The following PLP1 variants were observed in gnomAD, a reference collection of about 807,000 sequenced individuals.
The protein encoded by PLP1 is myelin proteolipid protein.
In PLP1, 2 loss-of-function variants were observed where a neutral mutation model predicts 18.5. The ratio of observed to expected loss-of-function variants is 0.11; its 90% confidence interval spans 0.04 to 0.34. The LOEUF is 0.34. PLP1 is among the 10% of genes least tolerant of loss of function. The pLI is 1.00. For missense variants in PLP1, 105 were observed against 207.3 expected, an observed-to-expected ratio of 0.51 and a Z score of 3.03; for synonymous variants, 86 against 83.2, an observed-to-expected ratio of 1.03 and a Z score of -0.19.
intron 1 of PLP1, chrX:103,779,961 A>T (rs2074439064): frequency 8.9e-6 from 1 of 112,818 alleles, no homozygotes; most frequent in Non-Finnish European, 1.9e-5. Context: ...GAGGACAGTG[A>T]CATGATCAGG....
intron 6 of PLP1, among the ~76,000 whole-genome samples, chrX:103,790,181 C>T (rs1236372021): frequency 8.9e-6 from 1 of 112,269 alleles, no homozygotes; most frequent in Non-Finnish European, 1.9e-5. Context: ...AGCAAGCACC[C>T]TATGACTCTA....
chrX:103,786,824 G>C, intron 3 of PLP1, 98 bp downstream of exon 3: 1 of 913,648 alleles, frequency 1.1e-6, no homozygotes, highest in Non-Finnish European at 1.6e-6. Context: ...GTCCTCTCTA[G>C]GGGCCTGGCA....
chrX:103,790,332 C>T (rs1459079360), intron 6 of PLP1, among the ~76,000 whole-genome samples, 195 bp from the exon 7 acceptor site: 1 of 112,916 alleles, frequency 8.9e-6, no homozygotes, highest in Non-Finnish European at 1.9e-5. Flanking sequence ...CCCATGATGC[C>T]TCAGAGACAT....
At chrX:103,790,485 C>G (rs1312687766) in intron 6 of PLP1, 42 bp from the exon 7 acceptor site, 1 of 1,002,451 alleles carries the variant, frequency 1.0e-6, no homozygotes. Flanking sequence ...GGAGTGCTTT[C>G]TTTTCTACTC....
chrX:103,787,735 G>A, intron 3 of PLP1, 63 bp from the exon 4 acceptor site: 2 of 985,917 alleles, frequency 2.0e-6, no homozygotes, highest in Non-Finnish European at 2.9e-6. Flanking sequence ...GGATCTCCCA[G>A]TTTGTGTTTC....
In PLP1 at chrX:103,790,643, A is replaced by G. The variant is rs1489712699; in HGVS notation, c.*45A>G. 1.1e-6 allele frequency: 1 copy of G among 941,583 alleles called. No homozygotes were observed. The highest frequency in any genetic ancestry group is 3.1e-5 in the East Asian group (1 of 32,633). The allele number at this position is 941,583 out of a possible 1,213,427, so 77.6% of individuals were successfully genotyped here. On this transcript the variant is annotated 3_prime_UTR_variant, in exon 7 of 7. Coordinates refer to ENST00000621218, the MANE Select transcript of PLP1 (RefSeq NM_000533.5). ...TTTCTCTAATAGCGAGGCTCTAACC[A>G]CACAGCCTACAATGCTGCGTCTCCC...
intron 1 of PLP1, among the ~76,000 whole-genome samples, chrX:103,784,981 T>A (rs906095956): frequency 8.9e-6 from 1 of 112,560 alleles, no homozygotes; most frequent in Non-Finnish European, 1.9e-5. Flanking sequence ...GATTTCATAA[T>A]CTCTCTGGCT....
At position 103,786,670 on chromosome X, in the gene PLP1, C is replaced by T; in HGVS notation, c.397C>T (p.His133Tyr). Residue 133 changes from histidine to tyrosine, a missense_variant, in exon 3 of 7, where the codon CAT (histidine) becomes TAT (tyrosine). Physicochemically the swap from His to Tyr is moderately conservative, Grantham distance 83. Coordinates refer to ENST00000621218, the MANE Select transcript of PLP1 (RefSeq NM_000533.5). ...GRGSRGQHQA[H>Y]SLERVCHCLG... ...GGGTTCCAGAGGCCAACATCAAGCTCATTCTTTGGAGCGGGTGTGTCATTG... is the reference window on the plus strand; with the variant it reads ...GGGTTCCAGAGGCCAACATCAAGCTTATTCTTTGGAGCGGGTGTGTCATTG... 2 of 1,211,135 alleles carry T rather than the reference C, an allele frequency of 1.7e-6. No homozygotes were observed. Among genetic ancestry groups the T allele is most frequent in the Non-Finnish European group, 2.2e-6 (2 of 895,038 alleles).
intron 2 of PLP1, 97 bp downstream of exon 2, chrX:103,785,865 C>A: frequency 2.4e-6 from 2 of 842,567 alleles, no homozygotes; most frequent in Non-Finnish European, 3.6e-6. Flanking sequence ...TAGCAGGGGA[C>A]TGGGGTGGAG....
intron 3 of PLP1, 164 bp from the exon 4 acceptor site, chrX:103,787,634 C>G (rs2074508332): frequency 2.0e-6 from 1 of 511,116 alleles, no homozygotes; most frequent in Non-Finnish European, 3.5e-6. Context: ...TAGATACTGC[C>G]AATTACCCTT....
intron 1 of PLP1, among the ~76,000 whole-genome samples, chrX:103,785,227 C>T (rs185713046): frequency 4.0e-4 from 44 of 110,973 alleles, no homozygotes; most frequent in Middle Eastern, 4.7e-3. Context: ...TACAGGCATA[C>T]GCCCATGCCC....
At chrX:103,789,630 T>C (rs2147768322) in intron 6 of PLP1, among the ~76,000 whole-genome samples, 1 of 112,002 alleles carries the variant, frequency 8.9e-6, no homozygotes, top group South Asian at 3.7e-4. Flanking sequence ...AGGTAAGAGA[T>C]TCATAGACAC....
intron 5 of PLP1, 103 bp from the exon 6 acceptor site, chrX:103,789,230 C>A (rs2074524090): frequency 1.1e-5 from 7 of 664,026 alleles, no homozygotes; most frequent in Non-Finnish European, 1.3e-5. Context: ...AATTAGCACA[C>A]AAGAAAGATA....
rs2074549833 is a variant in PLP1 at position 103,792,133 on chromosome X, G to A, written c.*1535G>A. 1 of 110,108 alleles carries A rather than the reference G, an allele frequency of 9.1e-6. No homozygotes were observed. The highest frequency in any genetic ancestry group is 1.9e-5 in the Non-Finnish European group (1 of 52,690). The allele number at this position is 110,108 out of a possible 1,213,427, so 9.1% of individuals were successfully genotyped here. ...TAACTTTGGGTTAAAAAAAAAAAAA[G>A]TCTGATTGGTTTTAATTGAAGGAAA... On this transcript the variant is annotated 3_prime_UTR_variant, in exon 7 of 7. Coordinates refer to ENST00000621218, the MANE Select transcript of PLP1 (RefSeq NM_000533.5).
At chrX:103,785,956 G>A in intron 2 of PLP1, 188 bp downstream of exon 2, 1 of 699,600 alleles carries the variant, frequency 1.4e-6, no homozygotes. Context: ...GGAGGGGTCT[G>A]CCTGCCTGCC....
intron 1 of PLP1, among the ~76,000 whole-genome samples, chrX:103,784,722 G>A (rs1219749363): frequency 8.9e-6 from 1 of 112,142 alleles, no homozygotes; most frequent in Non-Finnish European, 1.9e-5. Flanking sequence ...AACTCCAAGT[G>A]CATTTACCCT....
intron 1 of PLP1, among the ~76,000 whole-genome samples, chrX:103,781,660 C>T (rs930437328): frequency 8.9e-6 from 1 of 112,352 alleles, no homozygotes; most frequent in African/African-American, 3.2e-5. Context: ...AATTCTTGTA[C>T]TGAATTCACA....
intron 3 of PLP1, chrX:103,786,983 C>T: frequency 2.4e-6 from 1 of 411,813 alleles, no homozygotes; most frequent in Non-Finnish European, 4.3e-6. Context: ...TTTGTACAAT[C>T]AGACCATTTC....
chrX:103,782,853 A>G (rs2074465055), intron 1 of PLP1, among the ~76,000 whole-genome samples: 1 of 111,868 alleles, frequency 8.9e-6, no homozygotes, highest in Non-Finnish European at 1.9e-5. Context: ...AGATCTCAGG[A>G]AAGAACAAGG....
Sources: gnomAD v4.1 joint callset for allele counts (sites outside exome capture counted in the v4.1 genomes callset) on GRCh38, gnomAD v4.1.1 for gene constraint, MANE v1.5 for transcripts, NCBI Gene and HGNC (gene_info 2026-07-23, HGNC 2026-07-21) for gene names.